NAP1L4: variants seen among roughly 807,000 people sequenced by gnomAD.
NAP1L4 encodes nucleosome assembly protein 1-like 4.
NAP1L4 carries 15 observed loss-of-function variants against 58.2 expected under a neutral mutation model. That is an observed-to-expected ratio of 0.26 (90% CI 0.17 to 0.40). The LOEUF is 0.40. Ranked by LOEUF, NAP1L4 falls within the 10% of genes least tolerant of loss-of-function variation. NAP1L4 has a pLI of 1.00. For missense variants in NAP1L4, 384 were observed against 451.1 expected, an observed-to-expected ratio of 0.85 and a Z score of 1.35; for synonymous variants, 171 against 155.6, an observed-to-expected ratio of 1.10 and a Z score of -0.74.
At chr11:2,983,105 T>C (rs918605349) in intron 1 of NAP1L4, among the ~76,000 whole-genome samples, 2 of 152,202 alleles carry the variant, frequency 1.3e-5, no homozygotes, top group African/African-American at 4.8e-5. Flanking sequence ...ATCCTACTGT[T>C]CAGCAGCATC....
intron 7 of NAP1L4, among the ~76,000 whole-genome samples, chr11:2,969,398 T>A (rs1223704676): frequency 6.6e-6 from 1 of 151,980 alleles, no homozygotes; most frequent in African/African-American, 2.4e-5. Context: ...ACACAGCTCA[T>A]CCCTTCAAAA....
chr11:2,969,672 G>A (rs1029503448), intron 7 of NAP1L4, 131 bp downstream of exon 7: 9 of 934,180 alleles, frequency 9.6e-6, no homozygotes, highest in African/African-American at 3.4e-5. Flanking sequence ...TGAGGTCCTG[G>A]TCAGAGAAAG....
intron 4 of NAP1L4, among the ~76,000 whole-genome samples, chr11:2,973,018 A>C (rs1490233784): frequency 6.6e-6 from 1 of 152,216 alleles, no homozygotes; most frequent in African/African-American, 2.4e-5. Context: ...TTTATGCTGG[A>C]GTGTCCGTCG....
intron 3 of NAP1L4, among the ~76,000 whole-genome samples, 180 bp downstream of exon 3, chr11:2,978,104 G>C (rs1320175725): frequency 6.6e-6 from 1 of 152,220 alleles, no homozygotes; most frequent in Non-Finnish European, 1.5e-5. Context: ...CTACTGTAGA[G>C]TCTGAATTCC....
At position 2,945,301 on chromosome 11, in the gene NAP1L4, C is replaced by A; in HGVS notation, c.*378G>T. The A allele has an allele frequency of 3.3e-6, 1 of 301,230 alleles. No individual in the cohort carries two copies. The highest frequency in any genetic ancestry group is 6.1e-6 in the Non-Finnish European group (1 of 164,836). The allele number at this position is 301,230 out of a possible 1,614,324, so 18.7% of individuals were successfully genotyped here. On this transcript the variant is annotated 3_prime_UTR_variant, in exon 16 of 16. Transcript: ENST00000380542. Reference sequence around the variant, plus strand: ...GCCCTTTTTGCCAAGTGACCCCCACCCCACCCTGATGTGGTCTACAGGGCC... The same window carrying A: ...GCCCTTTTTGCCAAGTGACCCCCACACCACCCTGATGTGGTCTACAGGGCC...
At chr11:2,947,928 C>T (rs939553931) in intron 15 of NAP1L4, among the ~76,000 whole-genome samples, 3 of 152,350 alleles carry the variant, frequency 2.0e-5, no homozygotes, top group African/African-American at 7.2e-5. Context: ...GAGGCAGCAG[C>T]CTCAGTGGGA....
At chr11:2,987,667 G>A (rs1232757622) in intron 1 of NAP1L4, among the ~76,000 whole-genome samples, 2 of 142,036 alleles carry the variant, frequency 1.4e-5, no homozygotes, top group African/African-American at 2.7e-5. Flanking sequence ...TGAGACAGGA[G>A]AATTGCTTGA....
In NAP1L4 at chr11:2,946,112, C is replaced by T. The variant is rs369509058; in HGVS notation, c.*33-466G>A. On this transcript the variant is annotated intron_variant, in intron 15 of 15. Transcript: ENST00000380542. This position sits in a 1 kb window ranked among gnomAD's most constrained non-coding sequence, Gnocchi z 4.8. ...GGGGGTAGGCTGGGCCCTTGGCGCT[C>T]ATGGAAAGCACATCTCTCCTCTAGC... 7.5e-4 allele frequency among the ~76,000 whole-genome samples: 114 copies of T among 152,308 alleles called. No individual in the cohort carries two copies. Among genetic ancestry groups the T allele is most frequent in the African/African-American group, 2.7e-3 (113 of 41,570 alleles).
At chr11:2,989,907 T>C (rs565712999) in intron 1 of NAP1L4, 1 of 152,240 alleles carries the variant, frequency 6.6e-6, no homozygotes, top group African/African-American at 2.4e-5. Flanking sequence ...GATGGCTAAA[T>C]GGCTAATTTG....
Position 2,951,943 on chromosome 11 carries a change from C to A in NAP1L4, c.1036-134G>T. 1.2e-6 allele frequency: 1 copy of A among 811,840 alleles called. No individual in the cohort carries two copies. Among genetic ancestry groups the A allele is most frequent in the Non-Finnish European group, 2.1e-6 (1 of 474,310 alleles). 50.3% of individuals were successfully genotyped at this position (811,840 alleles called of 1,614,324 possible). A position where few individuals can be genotyped will look rare whatever the true frequency, so the allele number is the denominator to read the frequency against. Reference sequence around the variant, plus strand: ...AGTCCAGCCACGCTGCCTGCTGGGCCTCGCTTGCCTGAGGAGCCATTTGCT... The same window carrying A: ...AGTCCAGCCACGCTGCCTGCTGGGCATCGCTTGCCTGAGGAGCCATTTGCT... On this transcript the variant is annotated intron_variant, in intron 12 of 15. Transcript: ENST00000380542. This position sits in a 1 kb window ranked among gnomAD's most constrained non-coding sequence, Gnocchi z 4.0.
rs1234796923 is a variant in NAP1L4 at position 2,954,788 on chromosome 11, C to T, written c.916-142G>A. Reference sequence around the variant, plus strand: ...CTCCTGCACTGCTGGGGGACAGCCACTAGACACTCAAAGCCCCTTTAAAAC... The same window carrying T: ...CTCCTGCACTGCTGGGGGACAGCCATTAGACACTCAAAGCCCCTTTAAAAC... On this transcript the variant is annotated intron_variant, in intron 11 of 15. Coordinates refer to ENST00000380542, the MANE Select transcript of NAP1L4 (RefSeq NM_005969.4). The surrounding 1 kb of genome is among the most constrained non-coding windows in gnomAD (Gnocchi z 4.8). 5.6e-6 allele frequency: 6 copies of T among 1,069,136 alleles called. No homozygotes were observed. Among genetic ancestry groups the T allele is most frequent in the Non-Finnish European group, 8.4e-6 (6 of 716,298 alleles). The allele number at this position is 1,069,136 out of a possible 1,614,324, so 66.2% of individuals were successfully genotyped here. A position where few individuals can be genotyped will look rare whatever the true frequency, so the allele number is the denominator to read the frequency against.
chr11:2,981,417 T>TC (rs202151505), intron 1 of NAP1L4, among the ~76,000 whole-genome samples: 170 of 14,680 alleles, frequency 0.012, 14 homozygotes, highest in South Asian at 0.044. Flanking sequence ...GTACCCTGTC[T>TC]CAAAAAAAAA....
rs1846106625 is a variant in NAP1L4, at chr11:2,949,386, C to T, written c.1123-122G>A. 7 of 790,594 alleles carry T rather than the reference C, an allele frequency of 8.9e-6. No individual in the cohort carries two copies. Among genetic ancestry groups the T allele is most frequent in the South Asian group, 5.9e-5 (4 of 68,302 alleles). 49.0% of individuals were successfully genotyped at this position (790,594 alleles called of 1,614,324 possible). ...CAAAAGGGCTGCAAGATACTGAACT[C>T]GGGGTGAACAACTTCAACACTAGAT... On this transcript the variant is annotated intron_variant, in intron 14 of 15. Transcript: ENST00000380542. This position sits in a 1 kb window ranked among gnomAD's most constrained non-coding sequence, Gnocchi z 4.0.
Position 2,955,799 on chromosome 11 carries a change from TAC to T in NAP1L4, c.893-35_893-34del. ...AAGAAAAGACAAAACATATTTAAAT[TAC>T]AGTGACAACTCCCAGAATTTTAAAG... On this transcript the variant is annotated intron_variant, in intron 10 of 15. Coordinates refer to ENST00000380542, the MANE Select transcript of NAP1L4 (RefSeq NM_005969.4). This position sits in a 1 kb window ranked among gnomAD's most constrained non-coding sequence, Gnocchi z 4.2. 1 of 1,602,470 alleles carries T rather than the reference TAC, an allele frequency of 6.2e-7. No homozygotes were observed.
intron 7 of NAP1L4, among the ~76,000 whole-genome samples, chr11:2,965,959 A>G (rs1173772379): frequency 1.3e-5 from 2 of 152,132 alleles, no homozygotes; most frequent in Admixed American, 6.5e-5. Flanking sequence ...TTTACAAGTG[A>G]TATTTCTTTA....
intron 10 of NAP1L4, among the ~76,000 whole-genome samples, chr11:2,957,524 G>A (rs1846615467): frequency 6.6e-6 from 1 of 152,226 alleles, no homozygotes; most frequent in African/African-American, 2.4e-5. Context: ...ATTATCTGCA[G>A]CAGGGGCTGG....
At chr11:2,957,281 T>C (rs1846601315) in intron 10 of NAP1L4, among the ~76,000 whole-genome samples, 1 of 152,128 alleles carries the variant, frequency 6.6e-6, no homozygotes, top group Non-Finnish European at 1.5e-5. Flanking sequence ...AAAAAGGAAA[T>C]GTAATATCTA....
intron 7 of NAP1L4, among the ~76,000 whole-genome samples, chr11:2,967,589 C>T (rs541601867): frequency 2.2e-5 from 3 of 139,036 alleles, no homozygotes; most frequent in Middle Eastern, 4.2e-3. Context: ...CCAGCCTGGG[C>T]GACAGAGCGA....
intron 8 of NAP1L4, among the ~76,000 whole-genome samples, chr11:2,963,107 A>C (rs1441400206): frequency 1.3e-5 from 2 of 150,882 alleles, no homozygotes; most frequent in Non-Finnish European, 3.0e-5. Context: ...TCAAAAAAAA[A>C]AAAAAAAAGA....
Sources: allele counts gnomAD v4.1 joint callset (sites outside exome capture counted in the v4.1 genomes callset), GRCh38; gene constraint gnomAD v4.1.1; non-coding constraint Gnocchi (gnomAD v3.1); transcripts MANE v1.5; gene names NCBI Gene and HGNC (gene_info 2026-07-23, HGNC 2026-07-21).